THSD7B: variants seen among roughly 807,000 people sequenced by gnomAD.
THSD7B encodes the protein thrombospondin type-1 domain-containing protein 7B.
In THSD7B, 138 loss-of-function variants were observed where a neutral mutation model predicts 213.6. That is an observed-to-expected ratio of 0.65 (90% CI 0.56 to 0.74). The LOEUF (loss-of-function observed/expected upper bound fraction) is 0.74, where lower values mean the gene tolerates loss of function less well. Among genes scored for constraint, THSD7B ranks in the 30% least tolerant of loss-of-function variants. The pLI is 0.00. For synonymous variants in THSD7B, 742 were observed against 687.0 expected (o/e 1.08, Z -1.25); for missense variants, 1,931 against 1,991.5 (o/e 0.97, Z 0.58).
chr2:137,521,331 G>T (rs983462374), intron 15 of THSD7B, among the ~76,000 whole-genome samples: 1 of 152,100 alleles, frequency 6.6e-6, no homozygotes, highest in Admixed American at 6.5e-5. Context: ...TAGTGGGGAG[G>T]GGGGGCTGTG....
intron 12 of THSD7B, among the ~76,000 whole-genome samples, chr2:137,321,249 T>G (rs375390168): frequency 6.6e-6 from 1 of 152,214 alleles, no homozygotes; most frequent in African/African-American, 2.4e-5. Flanking sequence ...GGCTAAATTA[T>G]GTATGGTGTA....
intron 15 of THSD7B, among the ~76,000 whole-genome samples, chr2:137,481,767 T>C (rs1224815382): frequency 6.6e-6 from 1 of 152,184 alleles, no homozygotes; most frequent in African/African-American, 2.4e-5. Context: ...CATTGGAGAA[T>C]ACAAAAATAT....
intron 2 of THSD7B, among the ~76,000 whole-genome samples, chr2:136,995,899 A>G (rs1685876680): frequency 6.6e-6 from 1 of 152,208 alleles, no homozygotes; most frequent in Non-Finnish European, 1.5e-5. Context: ...AGGACAGGGT[A>G]CATGTCATTA....
At chr2:137,130,207 A>C (rs1402800110) in intron 5 of THSD7B, among the ~76,000 whole-genome samples, 1 of 152,124 alleles carries the variant, frequency 6.6e-6, no homozygotes, top group Non-Finnish European at 1.5e-5. Flanking sequence ...GGTGGATTTA[A>C]AAGGCCTAAA....
chr2:137,236,025 T>C (rs1681755505), intron 9 of THSD7B, among the ~76,000 whole-genome samples: 1 of 152,208 alleles, frequency 6.6e-6, no homozygotes, highest in African/African-American at 2.4e-5. Context: ...TAATACCTAG[T>C]GTCCAGTGAA....
intron 2 of THSD7B, 143 bp from the exon 3 acceptor site, chr2:137,056,277 A>G: frequency 2.7e-6 from 2 of 750,630 alleles, no homozygotes; most frequent in Non-Finnish European, 4.2e-6. Context: ...ATTCTGAACC[A>G]CTAAATTATG....
intron 1 of THSD7B, among the ~76,000 whole-genome samples, chr2:136,837,146 A>G (rs1278606150): frequency 6.6e-6 from 1 of 152,128 alleles, no homozygotes; most frequent in Admixed American, 6.5e-5. Context: ...CTCTATATTC[A>G]TCATGAATCA....
chr2:137,121,916 A>G (rs1270235219), intron 5 of THSD7B, among the ~76,000 whole-genome samples: 5 of 152,220 alleles, frequency 3.3e-5, no homozygotes, highest in African/African-American at 1.2e-4. Context: ...CCTGGATGTC[A>G]GTATTCCATG....
At chr2:137,484,209 C>T (rs1688375295) in intron 15 of THSD7B, among the ~76,000 whole-genome samples, 5 of 146,660 alleles carry the variant, frequency 3.4e-5, no homozygotes, top group Admixed American at 2.1e-4. Flanking sequence ...TGTGATGTTC[C>T]CCTTCCTGTG....
chr2:137,199,846 G>A (rs764769408), intron 7 of THSD7B, among the ~76,000 whole-genome samples: 2 of 152,066 alleles, frequency 1.3e-5, no homozygotes, highest in African/African-American at 2.4e-5. Flanking sequence ...TTTTAATAGA[G>A]AAAATGAAAA....
At position 137,233,148 on chromosome 2, in the gene THSD7B, G is replaced by A; in HGVS notation, c.2150+15G>A. On this transcript the variant is annotated intron_variant, in intron 9 of 27. Coordinates refer to ENST00000409968, the MANE Select transcript of THSD7B (RefSeq NM_001316349.2). ...ATGACCAAAAGGTATTTATTAGGCTGTTACTGAAAATGCATTTGCTTATTT... is the reference window on the plus strand; with the variant it reads ...ATGACCAAAAGGTATTTATTAGGCTATTACTGAAAATGCATTTGCTTATTT... 1 of 1,598,776 alleles carries A rather than the reference G, an allele frequency of 6.3e-7. No individual in the cohort carries two copies. The highest frequency in any genetic ancestry group is 8.5e-7 in the Non-Finnish European group (1 of 1,170,202).
chr2:136,990,547 C>T (rs1298317719), intron 2 of THSD7B, among the ~76,000 whole-genome samples: 1 of 152,128 alleles, frequency 6.6e-6, no homozygotes, highest in Non-Finnish European at 1.5e-5. Context: ...ACAGGACGTG[C>T]AGCAGATGGG....
At chr2:136,981,002 C>A (rs147491378) in intron 2 of THSD7B, among the ~76,000 whole-genome samples, 6 of 152,204 alleles carry the variant, frequency 3.9e-5, no homozygotes, top group Admixed American at 6.5e-5. Context: ...ATGCAGGATT[C>A]ACTCGCTGTA....
At chr2:137,212,670 T>C (rs1339079573) in intron 7 of THSD7B, among the ~76,000 whole-genome samples, 2 of 151,870 alleles carry the variant, frequency 1.3e-5, no homozygotes, top group East Asian at 1.9e-4. Context: ...AAAAAAAATA[T>C]CATTTTTTTT....
intron 14 of THSD7B, among the ~76,000 whole-genome samples, chr2:137,422,469 C>A (rs1558792278): frequency 6.6e-6 from 1 of 152,122 alleles, no homozygotes; most frequent in Non-Finnish European, 1.5e-5. Flanking sequence ...AGAGAAAATT[C>A]AGCTACTGAC....
chr2:137,558,750 A>C (rs1020376649), intron 15 of THSD7B, among the ~76,000 whole-genome samples: 1 of 152,188 alleles, frequency 6.6e-6, no homozygotes, highest in African/African-American at 2.4e-5. Flanking sequence ...ATGGTATTCA[A>C]TTAGGAAAAG....
intron 7 of THSD7B, among the ~76,000 whole-genome samples, chr2:137,182,709 C>G (rs541235705): frequency 1.3e-5 from 2 of 152,202 alleles, no homozygotes; most frequent in South Asian, 4.1e-4. Flanking sequence ...GACCGGATTC[C>G]CAGATTGTCT....
intron 1 of THSD7B, among the ~76,000 whole-genome samples, chr2:136,855,028 TTG>T (rs1460289869): frequency 6.6e-6 from 1 of 152,200 alleles, no homozygotes; most frequent in African/African-American, 2.4e-5. Flanking sequence ...TATGTAAGCA[TTG>T]TTAGTTTTCT....
intron 10 of THSD7B, among the ~76,000 whole-genome samples, chr2:137,245,453 C>G (rs1381317186): frequency 6.6e-6 from 1 of 152,066 alleles, no homozygotes; most frequent in Non-Finnish European, 1.5e-5. Context: ...CTTCAGCTGC[C>G]CCTCCTTCCC....
Sources: gnomAD v4.1 joint callset for allele counts (sites outside exome capture counted in the v4.1 genomes callset) on GRCh38, gnomAD v4.1.1 for gene constraint, MANE v1.5 for transcripts, NCBI Gene and HGNC (gene_info 2026-07-23, HGNC 2026-07-21) for gene names.